HERC1: variants seen among roughly 807,000 people sequenced by gnomAD.
The protein encoded by HERC1 is HECT and RLD domain containing E3 ubiquitin protein ligase family member 1, also known as probable E3 ubiquitin-protein ligase HERC1.
HERC1 carries 160 observed loss-of-function variants against 554.3 expected under a neutral mutation model. The observed-to-expected ratio is 0.29, with a 90% CI of 0.25 to 0.33. The LOEUF is 0.33. Ranked by LOEUF, HERC1 falls within the 10% of genes least tolerant of loss-of-function variation. The probability of loss-of-function intolerance (pLI) is 1.00; values close to 1 mark genes in which losing one functional copy is unlikely to be tolerated. For synonymous variants in HERC1, 2,175 were observed against 2,131.7 expected, an observed-to-expected ratio of 1.02 and a Z score of -0.56; for missense variants, 4,919 against 5,918.5, an observed-to-expected ratio of 0.83 and a Z score of 5.54.
In HERC1 at chr15:63,747,824, C is replaced by G; in HGVS notation, c.2254G>C (p.Asp752His). The G allele has an allele frequency of 6.5e-7, 1 of 1,549,690 alleles. No homozygotes were observed. The highest frequency in any genetic ancestry group is 8.7e-7 in the Non-Finnish European group (1 of 1,145,338). Residue 752 changes from aspartate to histidine, a missense_variant, in exon 11 of 78, where the codon GAT becomes CAT. Asp to His is a moderately conservative substitution (Grantham distance 81, BLOSUM62 -1). Transcript: ENST00000443617. ...TGTGAGAAGGTACTCTCTTCAAGATCTACACAATAAGGTCGGTGCCATGCA... is the reference window on the plus strand; with the variant it reads ...TGTGAGAAGGTACTCTCTTCAAGATGTACACAATAAGGTCGGTGCCATGCA... ...VVAWHRPYCV[D>H]LEESTFSHLR...
At chr15:63,742,935 T>A (rs373441556) in intron 12 of HERC1, among the ~76,000 whole-genome samples, 1 of 152,214 alleles carries the variant, frequency 6.6e-6, no homozygotes, top group Non-Finnish European at 1.5e-5. Context: ...AGCTGGTCTA[T>A]AGTTTTTCTT....
intron 33 of HERC1, among the ~76,000 whole-genome samples, chr15:63,688,159 A>G (rs1040830790): frequency 6.6e-6 from 1 of 152,230 alleles, no homozygotes; most frequent in Non-Finnish European, 1.5e-5. Context: ...AGAGATGATA[A>G]TGGCTTGGAA....
chr15:63,747,631 A>G, intron 11 of HERC1, 93 bp downstream of exon 11: 3 of 684,982 alleles, frequency 4.4e-6, no homozygotes, highest in Non-Finnish European at 6.7e-6. Context: ...AAGAAAGAAC[A>G]GTAAGTCAAA....
chr15:63,663,619 T>C (rs1477981262), intron 43 of HERC1, among the ~76,000 whole-genome samples: 6 of 152,202 alleles, frequency 3.9e-5, no homozygotes, highest in Admixed American at 3.3e-4. Flanking sequence ...CATACCCAGC[T>C]AACCGTTTTT....
intron 41 of HERC1, 46 bp from the exon 42 acceptor site, chr15:63,666,196 T>G: frequency 6.6e-7 from 1 of 1,505,622 alleles, no homozygotes; most frequent in Admixed American, 2.1e-5. Context: ...GGCAAAGAAT[T>G]AGGTCTTTAT....
At position 63,633,897 on chromosome 15, in the gene HERC1, T is replaced by G; in HGVS notation, c.12644A>C (p.Asp4215Ala). 6.2e-7 allele frequency: 1 copy of G among 1,613,706 alleles called. No individual in the cohort carries two copies. The highest frequency in any genetic ancestry group is 8.5e-7 in the Non-Finnish European group (1 of 1,179,768). ...GSMVWAFGDG[D>A]YGKLGLGNST... ...ATTTCCTAAGCCTAGTTTTCCATAG[T>G]CTCCATCTCCAAAAGCCCACACCAT... Residue 4215 changes from aspartate to alanine, a missense_variant, in exon 67 of 78, where the codon GAC becomes GCC. Around this residue, in one of 11 missense-constraint regions of HERC1, gnomAD observed 410 missense variants for 467.0 expected, o/e 0.88. Transcript: ENST00000443617.
In HERC1 at chr15:63,788,939, G is replaced by A. The variant is rs146351483; in HGVS notation, c.-26-13290C>T. On this transcript the variant is annotated intron_variant, in intron 1 of 77. Coordinates refer to ENST00000443617, the MANE Select transcript of HERC1 (RefSeq NM_003922.4). ...AGTACATTAATAGGAGTTCATTCCA[G>A]GAATATAATGATGGCTCAACATAGG... Among the ~76,000 whole-genome samples, 1,056 of 151,640 alleles carry A rather than the reference G, an allele frequency of 7.0e-3. 13 individuals are homozygous for A. Among genetic ancestry groups the A allele is most frequent in the African/African-American group, 0.025 (1,015 of 41,290 alleles).
chr15:63,805,884 A>G (rs2077122067), intron 1 of HERC1, among the ~76,000 whole-genome samples: 1 of 151,756 alleles, frequency 6.6e-6, no homozygotes, highest in Admixed American at 6.6e-5. Context: ...TCAAAGCTGC[A>G]GCAAGCCATG....
intron 25 of HERC1, among the ~76,000 whole-genome samples, chr15:63,702,333 C>T (rs941099387): frequency 5.3e-5 from 8 of 152,080 alleles, no homozygotes; most frequent in Non-Finnish European, 1.0e-4. Flanking sequence ...ACATGTTATA[C>T]CATGAAACAC....
At chr15:63,686,235 A>G (rs2071753923) in intron 34 of HERC1, 124 bp downstream of exon 34, 1 of 666,992 alleles carries the variant, frequency 1.5e-6, no homozygotes, top group South Asian at 2.3e-5. Context: ...ATATTATCTT[A>G]CATAATAATA....
At position 63,633,827 on chromosome 15, in the gene HERC1, T is replaced by C. The variant is rs2068668686; in HGVS notation, c.12693+21A>G. ...AAACTATTTATGTTGTCTGAAAACC[T>C]AGACTCAAGGCAGTACTGACCTGAG... On this transcript the variant is annotated intron_variant, in intron 67 of 77. Transcript: ENST00000443617. 4 of 1,609,396 alleles carry C rather than the reference T, an allele frequency of 2.5e-6. No homozygotes were observed. In the East Asian group the frequency reaches 6.7e-5, roughly 27 times the overall value.
intron 53 of HERC1, 141 bp downstream of exon 53, chr15:63,651,112 T>C (rs752658258): frequency 8.5e-6 from 6 of 707,796 alleles, no homozygotes; most frequent in South Asian, 1.9e-5. Context: ...AAGCACACAG[T>C]GCATAGATTG....
chr15:63,683,189 G>T (rs2071571387), intron 34 of HERC1, among the ~76,000 whole-genome samples: 1 of 149,380 alleles, frequency 6.7e-6, no homozygotes, highest in Admixed American at 6.7e-5. Context: ...AATGTTACAA[G>T]CTTGTAACTT....
At chr15:63,648,029 T>C in intron 55 of HERC1, 40 bp downstream of exon 55, 1 of 1,492,436 alleles carries the variant, frequency 6.7e-7, no homozygotes, top group African/African-American at 1.4e-5. Context: ...AAAATTATAT[T>C]TGTATCCCAT....
In HERC1 at chr15:63,662,988, G is replaced by A. The variant is rs1438248245; in HGVS notation, c.8897C>T (p.Thr2966Ile). 3.1e-6 allele frequency: 5 copies of A among 1,613,184 alleles called. No individual in the cohort carries two copies. Among genetic ancestry groups the A allele is most frequent in the Non-Finnish European group, 1.7e-6 (2 of 1,179,308 alleles). The stretch of plus-strand genomic sequence containing the variant: ...CCCCGCTGCAGTCACACACACCCAG[G>A]TAGGCCAATCCAGTACCTCTGGGAT... Reference protein sequence around the residue: ...MWIPEVLDWPTWHVCESEDRE... With the variant: ...MWIPEVLDWPIWHVCESEDRE... Residue 2966 changes from threonine to isoleucine, a missense_variant, in exon 44 of 78, where the codon ACC becomes ATC. Thr to Ile is a moderately conservative substitution (Grantham distance 89). Coordinates refer to ENST00000443617, the MANE Select transcript of HERC1 (RefSeq NM_003922.4).
At chr15:63,790,688 C>CT (rs1444876037) in intron 1 of HERC1, among the ~76,000 whole-genome samples, 1 of 151,898 alleles carries the variant, frequency 6.6e-6, no homozygotes, top group African/African-American at 2.4e-5. Flanking sequence ...AGGACATCAA[C>CT]TTTGTGTGTT....
chr15:63,770,643 C>A (rs1253919903), intron 2 of HERC1, among the ~76,000 whole-genome samples: 1 of 152,214 alleles, frequency 6.6e-6, no homozygotes, highest in Admixed American at 6.5e-5. Flanking sequence ...TATGTGTGGG[C>A]AGCAGAGATT....
chr15:63,655,474 A>G (rs894402751), intron 50 of HERC1, among the ~76,000 whole-genome samples: 5 of 152,200 alleles, frequency 3.3e-5, no homozygotes, highest in African/African-American at 9.7e-5. Context: ...GAGAAAAATA[A>G]CACTGCCTTC....
intron 68 of HERC1, 137 bp downstream of exon 68, chr15:63,632,572 A>G: frequency 1.4e-6 from 1 of 703,346 alleles, no homozygotes; most frequent in Non-Finnish European, 2.6e-6. Flanking sequence ...AAAATTATCT[A>G]TACTGAAAGG....
Sources: allele counts gnomAD v4.1 joint callset (sites outside exome capture counted in the v4.1 genomes callset), GRCh38; gene constraint gnomAD v4.1.1; regional missense constraint gnomAD v4.1.1; transcripts MANE v1.5; gene names NCBI Gene and HGNC (gene_info 2026-07-23, HGNC 2026-07-21).